RSU1: variants seen among roughly 807,000 people sequenced by gnomAD.
RSU1 encodes rsu-1.
In RSU1, 26 loss-of-function variants were observed where a neutral mutation model predicts 31.1. That is an observed-to-expected ratio of 0.84 (90% CI 0.61 to 1.16). The LOEUF (loss-of-function observed/expected upper bound fraction) is 1.16, where lower values mean the gene tolerates loss of function less well. Among genes scored for constraint, RSU1 ranks in the 50% most tolerant of loss-of-function variants. The probability of loss-of-function intolerance (pLI) is 0.00; values close to 1 mark genes in which losing one functional copy is unlikely to be tolerated. For missense variants in RSU1, 320 were observed against 339.1 expected (o/e 0.94, Z 0.44); for synonymous variants, 164 against 136.3 (o/e 1.20, Z -1.41).
At chr10:16,662,398 A>G (rs1834905559) in intron 8 of RSU1, among the ~76,000 whole-genome samples, 1 of 152,224 alleles carries the variant, frequency 6.6e-6, no homozygotes, top group Non-Finnish European at 1.5e-5. Flanking sequence ...GATACACACT[A>G]CACACCTAAA....
At chr10:16,755,420 T>C (rs111452701) in intron 4 of RSU1, among the ~76,000 whole-genome samples, 5,459 of 150,690 alleles carry the variant, frequency 0.036, 294 homozygotes, top group African/African-American at 0.13. Context: ...CCCATGCCCA[T>C]CCTTTTTTTT....
At position 16,727,394 on chromosome 10, in the gene RSU1, C is replaced by T. The variant is rs563040230; in HGVS notation, c.598+25145G>A. On this transcript the variant is annotated intron_variant, in intron 7 of 8. Coordinates refer to ENST00000345264, the MANE Select transcript of RSU1 (RefSeq NM_012425.4). ...GGCAAATTCACGACCACAGTGAAGG[C>T]CAATTAAAGTTCAAACAGAAGCTGG... 2.6e-5 allele frequency among the ~76,000 whole-genome samples: 4 copies of T among 152,172 alleles called. No homozygotes were observed. In the South Asian group the frequency reaches 8.3e-4, roughly 32 times the overall value.
intron 7 of RSU1, among the ~76,000 whole-genome samples, chr10:16,740,236 T>C (rs1836723831): frequency 6.6e-6 from 1 of 151,822 alleles, no homozygotes; most frequent in Non-Finnish European, 1.5e-5. Context: ...TCCAGAAATA[T>C]ATAAAAAGGA....
At chr10:16,674,545 G>A (rs533697354) in intron 8 of RSU1, among the ~76,000 whole-genome samples, 1 of 152,168 alleles carries the variant, frequency 6.6e-6, no homozygotes, top group South Asian at 2.1e-4. Context: ...GGACAGAGCA[G>A]TGTACAAAAC....
chr10:16,593,600 T>A, intron 8 of RSU1, 104 bp from the exon 9 acceptor site: 1 of 894,996 alleles, frequency 1.1e-6, no homozygotes, highest in Non-Finnish European at 1.8e-6. Flanking sequence ...AAATATTCAG[T>A]AAGCCAAAGA....
intron 3 of RSU1, among the ~76,000 whole-genome samples, chr10:16,772,659 A>C (rs1268701485): frequency 4.0e-5 from 6 of 151,274 alleles, no homozygotes; most frequent in Non-Finnish European, 8.8e-5. Flanking sequence ...AAAAAAAAAA[A>C]AACAAGAAAA....
intron 8 of RSU1, among the ~76,000 whole-genome samples, chr10:16,655,008 G>A (rs1402118382): frequency 6.8e-6 from 1 of 146,912 alleles, no homozygotes; most frequent in Non-Finnish European, 1.5e-5. Flanking sequence ...AGGCTGCAGT[G>A]AGCCACGAAT....
At chr10:16,697,517 A>G (rs1043477443) in intron 7 of RSU1, among the ~76,000 whole-genome samples, 2 of 152,126 alleles carry the variant, frequency 1.3e-5, no homozygotes, top group Non-Finnish European at 2.9e-5. Context: ...TACAAAAATT[A>G]GCCAGGCACA....
At chr10:16,715,036 T>TG (rs529692146) in intron 7 of RSU1, among the ~76,000 whole-genome samples, 1 of 152,164 alleles carries the variant, frequency 6.6e-6, no homozygotes, top group Non-Finnish European at 1.5e-5. Context: ...AAGTCTCCAC[T>TG]GGGGGAGACT....
intron 2 of RSU1, among the ~76,000 whole-genome samples, chr10:16,795,920 G>C (rs7098479): frequency 0.22 from 33,178 of 151,968 alleles, 3,755 homozygotes; most frequent in Middle Eastern, 0.27. Flanking sequence ...TCCATTCTCC[G>C]CTTGAGCAGC....
At chr10:16,729,912 T>C (rs1836473918) in intron 7 of RSU1, among the ~76,000 whole-genome samples, 1 of 152,178 alleles carries the variant, frequency 6.6e-6, no homozygotes, top group African/African-American at 2.4e-5. Flanking sequence ...TGGGCTTATG[T>C]CTTAGTCCAT....
chr10:16,628,006 G>C (rs916582877), intron 8 of RSU1, among the ~76,000 whole-genome samples: 7 of 152,158 alleles, frequency 4.6e-5, no homozygotes, highest in African/African-American at 1.7e-4. Flanking sequence ...ACTCTTCCTT[G>C]AGTTAGAGGG....
chr10:16,672,620 T>C (rs914234112), intron 8 of RSU1, among the ~76,000 whole-genome samples: 9 of 151,978 alleles, frequency 5.9e-5, no homozygotes, highest in Non-Finnish European at 1.2e-4. Context: ...AGTTGTTTTT[T>C]TTTAAATAGA....
intron 5 of RSU1, among the ~76,000 whole-genome samples, chr10:16,753,338 A>C (rs1333244849): frequency 6.6e-6 from 1 of 152,242 alleles, no homozygotes; most frequent in Non-Finnish European, 1.5e-5. Context: ...CTCCATTTGC[A>C]TCCAAAGTAA....
intron 8 of RSU1, among the ~76,000 whole-genome samples, chr10:16,662,051 A>AT (rs1228395784): frequency 2.6e-5 from 4 of 152,182 alleles, no homozygotes; most frequent in African/African-American, 4.8e-5. Context: ...AGAATTGGGC[A>AT]TTTTTCCCTT....
chr10:16,619,436 A>T (rs1834032574), intron 8 of RSU1, among the ~76,000 whole-genome samples: 1 of 152,222 alleles, frequency 6.6e-6, no homozygotes, highest in African/African-American at 2.4e-5. Context: ...CAATCTAGGC[A>T]CATCGGGTTC....
intron 4 of RSU1, among the ~76,000 whole-genome samples, chr10:16,756,384 G>T (rs1006739478): frequency 1.3e-5 from 2 of 152,042 alleles, no homozygotes; most frequent in African/African-American, 4.8e-5. Context: ...GAGCAACATG[G>T]GTTTGAACTT....
intron 3 of RSU1, among the ~76,000 whole-genome samples, chr10:16,772,960 A>C (rs1837452380): frequency 6.6e-6 from 1 of 152,180 alleles, no homozygotes; most frequent in African/African-American, 2.4e-5. Context: ...TAATCCCAGC[A>C]CTTTGAGAGG....
At chr10:16,658,307 C>A (rs550218533) in intron 8 of RSU1, among the ~76,000 whole-genome samples, 4 of 152,144 alleles carry the variant, frequency 2.6e-5, no homozygotes, top group Non-Finnish European at 4.4e-5. Flanking sequence ...TGAAGATAAA[C>A]AAAACTGGTA....
Sources: gnomAD v4.1 joint callset for allele counts (sites outside exome capture counted in the v4.1 genomes callset) on GRCh38, gnomAD v4.1.1 for gene constraint, MANE v1.5 for transcripts, NCBI Gene and HGNC (gene_info 2026-07-23, HGNC 2026-07-21) for gene names.